SH3BP2: variants seen among roughly 807,000 people sequenced by gnomAD.
The protein encoded by SH3BP2 is SH3 domain binding protein 2.
Under a neutral mutation model 56.2 loss-of-function variants are expected in SH3BP2, and 38 were observed. The ratio of observed to expected loss-of-function variants is 0.68; its 90% CI spans 0.52 to 0.89. SH3BP2 has a LOEUF of 0.89. Ranked by LOEUF, SH3BP2 falls within the 40% of genes least tolerant of loss-of-function variation. The pLI is 0.00. For missense variants in SH3BP2, 748 were observed against 762.6 expected, an observed-to-expected ratio of 0.98 and a Z score of 0.23; for synonymous variants, 346 against 316.7, an observed-to-expected ratio of 1.09 and a Z score of -0.98.
At chr4:2,798,272 T>A (rs1286002796) in intron 1 of SH3BP2, among the ~76,000 whole-genome samples, 2 of 152,216 alleles carry the variant, frequency 1.3e-5, no homozygotes, top group East Asian at 3.9e-4. Flanking sequence ...TTCCTAAACG[T>A]GTGTTGGCTT....
chr4:2,832,807 T>C (rs1725064304), intron 11 of SH3BP2, among the ~76,000 whole-genome samples, 183 bp from the exon 12 acceptor site: 1 of 151,618 alleles, frequency 6.6e-6, no homozygotes, highest in Admixed American at 6.6e-5. Flanking sequence ...TCAGAGGCTC[T>C]CTGAGGGCTG....
At chr4:2,809,887 C>A in intron 1 of SH3BP2, 1 of 893,326 alleles carries the variant, frequency 1.1e-6, no homozygotes, top group Non-Finnish European at 1.3e-6. Flanking sequence ...TTTGAGGCAC[C>A]AGCTCAGGGG....
In SH3BP2 at chr4:2,837,362, G is replaced by C. The variant is rs561833228; in HGVS notation, c.*3528G>C. On this transcript the variant is annotated 3_prime_UTR_variant, in exon 13 of 13. Transcript: ENST00000503393. Reference sequence around the variant, plus strand: ...TGTTTTTAGAACCAGAAGAAACCTCGGTTCCCACTGATCCTTCTGGGCCAC... The same window carrying C: ...TGTTTTTAGAACCAGAAGAAACCTCCGTTCCCACTGATCCTTCTGGGCCAC... The C allele has an allele frequency of 6.6e-6, 1 of 152,246 alleles. No individual in the cohort carries two copies. The allele number at this position is 152,246 out of a possible 1,614,324, so 9.4% of individuals were successfully genotyped here.
rs1300395742 is a variant in SH3BP2 at position 2,824,634 on chromosome 4, G to A, written c.261G>A (p.Glu87=). The A allele has an allele frequency of 6.2e-7, 1 of 1,613,844 alleles. No individual in the cohort carries two copies. Among genetic ancestry groups the A allele is most frequent in the Non-Finnish European group, 8.5e-7 (1 of 1,179,976 alleles). The change falls in exon 4 of 13, where the codon GAG becomes GAA. Residue 87 remains glutamate (E), a synonymous_variant. Transcript: ENST00000503393. ...CCAGGGTGATGCGGGCGGCTGAGGA[G>A]ACCACGTCCAACAACGTTTTCCCCT... The part of the protein sequence containing the change: ...GYNRVMRAAE[E]TTSNNVFPFK...
intron 1 of SH3BP2, chr4:2,799,023 G>T: frequency 1.0e-6 from 1 of 985,562 alleles, no homozygotes; most frequent in East Asian, 1.1e-4. Context: ...CTCCAAAGCC[G>T]GCGTCAGGTC....
At position 2,820,948 on chromosome 4, in the gene SH3BP2, C is replaced by T. The variant is rs11943093; in HGVS notation, c.136+195C>T. 0.1 allele frequency among the ~76,000 whole-genome samples: 15,529 copies of T among 152,078 alleles called. 876 individuals carry two copies. The highest frequency in any genetic ancestry group is 0.12 in the Middle Eastern group (34 of 294). The stretch of plus-strand genomic sequence containing the variant: ...TAGCCCCCAGGACTGTAGCAGGGTC[C>T]GGGGTGGTGCACAGTGCTGGCCAGC... On this transcript the variant is annotated intron_variant, in intron 2 of 12. Coordinates refer to ENST00000503393, the MANE Select transcript of SH3BP2 (RefSeq NM_001122681.2).
Position 2,800,109 on chromosome 4 carries a change from TGGA to T in SH3BP2, c.-5+6977_-5+6979del, listed in dbSNP as rs202000807. On this transcript the variant is annotated intron_variant, in intron 1 of 12. Coordinates refer to ENST00000503393, the MANE Select transcript of SH3BP2 (RefSeq NM_001122681.2). The stretch of plus-strand genomic sequence containing the variant: ...GAGGCTGCAGAAGGCTGGGTGGGAG[TGGA>T]GGAGGTGACGTGACCAGGATGGGGT... Among the ~76,000 whole-genome samples the T allele has an allele frequency of 5.1e-3, 760 of 149,978 alleles. 6 individuals carry two copies. The highest frequency in any genetic ancestry group is 7.9e-3 in the Non-Finnish European group (530 of 67,434).
In SH3BP2 at chr4:2,804,198, C is replaced by T. The variant is rs137904117; in HGVS notation, c.-5+11060C>T. ...TGGGGGTCTCCTTCTGTCCCGGCACCGCCTGCTCCTGTTCCTCATCCGAGT... is the reference window on the plus strand; with the variant it reads ...TGGGGGTCTCCTTCTGTCCCGGCACTGCCTGCTCCTGTTCCTCATCCGAGT... On this transcript the variant is annotated intron_variant, in intron 1 of 12. Coordinates refer to ENST00000503393, the MANE Select transcript of SH3BP2 (RefSeq NM_001122681.2). 1.1e-3 allele frequency among the ~76,000 whole-genome samples: 171 copies of T among 152,310 alleles called. 2 individuals carry two copies. Among genetic ancestry groups the T allele is most frequent in the African/African-American group, 3.8e-3 (159 of 41,558 alleles).
At chr4:2,800,227 G>T (rs1246858972) in intron 1 of SH3BP2, among the ~76,000 whole-genome samples, 2 of 152,136 alleles carry the variant, frequency 1.3e-5, no homozygotes, top group Non-Finnish European at 2.9e-5. Context: ...TGGTGGGACT[G>T]ACTGTCCCCG....
rs1419886399 is a variant in SH3BP2 at position 2,830,146 on chromosome 4, C to T, written c.1240C>T (p.Gln414Ter). The change falls in exon 8 of 13, where the codon CAG becomes TAG. Residue 414 changes from glutamine to a stop codon, truncating the protein, a stop_gained and splice_region_variant. Coordinates refer to ENST00000503393, the MANE Select transcript of SH3BP2 (RefSeq NM_001122681.2). LOFTEE classifies it high-confidence loss of function. Reference sequence around the variant, plus strand: ...AGAGAAGCCGCAGCTCCCGCACCTCCAGTGAGTTTGTGTGGCGGCTGCAAG... The same window carrying T: ...AGAGAAGCCGCAGCTCCCGCACCTCTAGTGAGTTTGTGTGGCGGCTGCAAG... ...RPEKPQLPHLQRSPPDGQSFR... is the reference protein window; with the variant it reads ...RPEKPQLPHL 1.9e-6 allele frequency: 3 copies of T among 1,599,468 alleles called. No homozygotes were observed. The highest frequency in any genetic ancestry group is 2.5e-6 in the Non-Finnish European group (3 of 1,179,256).
At chr4:2,827,191 T>C in intron 5 of SH3BP2, 39 bp from the exon 6 acceptor site, 1 of 1,573,000 alleles carries the variant, frequency 6.4e-7, no homozygotes, top group Non-Finnish European at 8.7e-7. Flanking sequence ...CTCCCAGGCC[T>C]GGTGCTCACC....
At position 2,814,498 on chromosome 4, in the gene SH3BP2, G is replaced by GCA. The variant is rs34086288; in HGVS notation, c.-4-6100_-4-6099dup. Among the ~76,000 whole-genome samples the GCA allele has an allele frequency of 8.2e-3, 1,235 of 151,458 alleles. 16 individuals carry two copies. Among genetic ancestry groups the GCA allele is most frequent in the African/African-American group, 0.027 (1,113 of 41,340 alleles). On this transcript the variant is annotated intron_variant, in intron 1 of 12. Coordinates refer to ENST00000503393, the MANE Select transcript of SH3BP2 (RefSeq NM_001122681.2). Reference sequence around the variant, plus strand: ...GCCCCGTCTTCCCTAATGTGCATGTGCACACACACACACACACGCACACAC... The same window carrying GCA: ...GCCCCGTCTTCCCTAATGTGCATGTGCACACACACACACACACACGCACACAC...
At chr4:2,827,962 G>A (rs1332000719) in intron 7 of SH3BP2, among the ~76,000 whole-genome samples, 1 of 152,194 alleles carries the variant, frequency 6.6e-6, no homozygotes, top group African/African-American at 2.4e-5. Context: ...GGGAAGGAAG[G>A]ACGCTGAGGA....
Position 2,820,686 on chromosome 4 carries a change from G to A in SH3BP2, c.69G>A (p.Met23Ile). 2 of 1,614,188 alleles carry A rather than the reference G, an allele frequency of 1.2e-6. No individual in the cohort carries two copies. Among genetic ancestry groups the A allele is most frequent in the Non-Finnish European group, 1.7e-6 (2 of 1,180,012 alleles). The change falls in exon 2 of 13, where the codon ATG (methionine) becomes ATA (isoleucine). Residue 23 changes from methionine to isoleucine, a missense_variant. Coordinates refer to ENST00000503393, the MANE Select transcript of SH3BP2 (RefSeq NM_001122681.2). The part of the protein sequence containing the change: ...KAIGAQNLLT[M>I]PGGVAKAGYL... ...TTGGTGCCCAGAACCTGCTAACCATGCCTGGGGGCGTGGCCAAGGCTGGCT... is the reference window on the plus strand; with the variant it reads ...TTGGTGCCCAGAACCTGCTAACCATACCTGGGGGCGTGGCCAAGGCTGGCT...
rs201371505 is a variant in SH3BP2, at chr4:2,827,631, C to G, written c.543C>G (p.Asp181Glu). ...NEDYEHDDED[D>E]SYLEPDSPEP... is the part of the protein sequence containing the mutation. ...ACTATGAGCACGACGATGAGGATGA[C>G]TCCTACCTGGAGCCTGACTCCCCGG... The change falls in exon 7 of 13, where the codon GAC becomes GAG. Residue 181 changes from aspartate (D) to glutamate (E), a missense_variant. Around this residue, in one of 3 missense-constraint regions of SH3BP2, gnomAD observed 635 missense variants for 615.0 expected, o/e 1.03. Coordinates refer to ENST00000503393, the MANE Select transcript of SH3BP2 (RefSeq NM_001122681.2). 5 of 1,599,264 alleles carry G rather than the reference C, an allele frequency of 3.1e-6. No individual in the cohort carries two copies. Among genetic ancestry groups the G allele is most frequent in the Non-Finnish European group, 4.3e-6 (5 of 1,172,870 alleles).
chr4:2,820,301 G>A (rs950048168), intron 1 of SH3BP2, among the ~76,000 whole-genome samples: 5 of 152,204 alleles, frequency 3.3e-5, no homozygotes, highest in East Asian at 1.9e-4. Flanking sequence ...CCCAGCCCCC[G>A]TGGGGCCTTG....
intron 8 of SH3BP2, among the ~76,000 whole-genome samples, chr4:2,830,898 G>A (rs1312321177): frequency 1.3e-5 from 2 of 152,216 alleles, no homozygotes; most frequent in Admixed American, 6.5e-5. Flanking sequence ...AGGGCTCTGC[G>A]AACACCTCTG....
At chr4:2,826,215 C>CTGTGTGTGCATGTCCGCGTGTTGCTCCG (rs1560107892) in intron 5 of SH3BP2, 1 of 154,148 alleles carries the variant, frequency 6.5e-6, no homozygotes, top group East Asian at 2.0e-4. Context: ...GTCCTTGTAA[C>CTGTGTGTGCATGTCCGCGTGTTGCTCCG]TGTGTGTGCA....
intron 1 of SH3BP2, among the ~76,000 whole-genome samples, chr4:2,801,487 G>A (rs1454798803): frequency 6.6e-6 from 1 of 152,112 alleles, no homozygotes; most frequent in Non-Finnish European, 1.5e-5. Context: ...CTTGCTCCTG[G>A]GCCTGCCTGC....
Sources: gnomAD v4.1 joint callset for allele counts (sites outside exome capture counted in the v4.1 genomes callset) on GRCh38, gnomAD v4.1.1 for gene constraint, gnomAD v4.1.1 regional missense constraint, MANE v1.5 for transcripts, NCBI Gene and HGNC (gene_info 2026-07-23, HGNC 2026-07-21) for gene names.